HS3ST4: variants seen among roughly 807,000 people sequenced by gnomAD.
HS3ST4 encodes heparan sulfate glucosamine 3-O-sulfotransferase 4.
Under a neutral mutation model 29.2 loss-of-function variants are expected in HS3ST4, and 17 were observed. The ratio of observed to expected loss-of-function variants is 0.58; its 90% CI spans 0.40 to 0.87. The LOEUF is 0.87. Among genes scored for constraint, HS3ST4 ranks in the 40% least tolerant of loss-of-function variants. HS3ST4 has a pLI of 0.00. For missense variants in HS3ST4, 627 were observed against 634.5 expected (o/e 0.99, Z 0.13); for synonymous variants, 314 against 285.7 (o/e 1.10, Z -1.00).
At chr16:26,105,710 C>T (rs575175787) in intron 1 of HS3ST4, among the ~76,000 whole-genome samples, 13 of 152,326 alleles carry the variant, frequency 8.5e-5, no homozygotes, top group South Asian at 4.1e-4. Context: ...AAAAGCCAGA[C>T]GGGCTTTCGC....
At chr16:25,803,941 C>G (rs971223459) in intron 1 of HS3ST4, among the ~76,000 whole-genome samples, 1 of 151,944 alleles carries the variant, frequency 6.6e-6, no homozygotes, top group South Asian at 2.1e-4. Context: ...TTTGGTTCCC[C>G]CTCCCCCTCT....
chr16:26,093,593 A>G (rs1289438329), intron 1 of HS3ST4, among the ~76,000 whole-genome samples: 1 of 152,152 alleles, frequency 6.6e-6, no homozygotes, highest in African/African-American at 2.4e-5. Context: ...ATCAACACCA[A>G]AACCCCATCT....
intron 1 of HS3ST4, among the ~76,000 whole-genome samples, chr16:26,089,093 A>C (rs1217799984): frequency 6.6e-6 from 1 of 152,182 alleles, no homozygotes; most frequent in Non-Finnish European, 1.5e-5. Context: ...GCACACATGC[A>C]AGTGTATGCC....
chr16:26,108,861 A>G (rs1899090216), intron 1 of HS3ST4, among the ~76,000 whole-genome samples: 1 of 152,152 alleles, frequency 6.6e-6, no homozygotes, highest in South Asian at 2.1e-4. Context: ...ATTAATCGGA[A>G]ATTCCTTAGC....
chr16:25,806,504 G>A (rs896938933), intron 1 of HS3ST4, among the ~76,000 whole-genome samples: 2 of 152,154 alleles, frequency 1.3e-5, no homozygotes, highest in Admixed American at 1.3e-4. Flanking sequence ...GTGTGCACTT[G>A]TACTGTGATA....
chr16:26,008,613 G>A (rs1304672379), intron 1 of HS3ST4, among the ~76,000 whole-genome samples: 2 of 152,194 alleles, frequency 1.3e-5, no homozygotes, highest in East Asian at 1.9e-4. Flanking sequence ...GAGGTCAGGA[G>A]TTCAAGACCA....
chr16:25,729,224 T>C (rs914194989), intron 1 of HS3ST4, among the ~76,000 whole-genome samples: 1 of 152,202 alleles, frequency 6.6e-6, no homozygotes, highest in Admixed American at 6.5e-5. Context: ...TGAGAGTTTC[T>C]TTCTGGGTTC....
chr16:25,723,192 G>T (rs191557936), intron 1 of HS3ST4, among the ~76,000 whole-genome samples: 3 of 152,118 alleles, frequency 2.0e-5, no homozygotes, highest in Non-Finnish European at 4.4e-5. Flanking sequence ...GTAGTGACAC[G>T]GCTAAACCAT....
intron 1 of HS3ST4, among the ~76,000 whole-genome samples, chr16:25,996,184 G>A (rs1969157644): frequency 1.3e-5 from 2 of 152,130 alleles, no homozygotes; most frequent in African/African-American, 4.8e-5. Flanking sequence ...TGCAGGCATT[G>A]GTGGTGACAG....
chr16:25,987,837 C>G (rs986152145), intron 1 of HS3ST4, among the ~76,000 whole-genome samples: 1 of 152,108 alleles, frequency 6.6e-6, no homozygotes, highest in Non-Finnish European at 1.5e-5. Context: ...GTGACACAAT[C>G]CCGGCTCACT....
chr16:26,032,703 G>T lies in HS3ST4; in HGVS notation c.735-102909G>T. On this transcript the variant is annotated intron_variant, in intron 1 of 1. Transcript: ENST00000331351. ...GGGGCCTTTTTAGTCTTGGGCTCTG[G>T]CTTTGGAGGAGCAGGTTTAGCAGAC... 3 of 1,238,008 alleles carry T rather than the reference G, an allele frequency of 2.4e-6. No individual in the cohort carries two copies. In the Admixed American group the frequency reaches 5.0e-5, roughly 21 times the overall value. The allele number at this position is 1,238,008 out of a possible 1,614,324, so 76.7% of individuals were successfully genotyped here.
chr16:25,701,344 T>C (rs1253999649), intron 1 of HS3ST4, among the ~76,000 whole-genome samples: 1 of 152,194 alleles, frequency 6.6e-6, no homozygotes, highest in Non-Finnish European at 1.5e-5. Flanking sequence ...GCCTAGGAGA[T>C]GTAGCTAGCC....
chr16:26,045,735 A>ACATTGTCAT (rs1178441202), intron 1 of HS3ST4, among the ~76,000 whole-genome samples: 2 of 152,198 alleles, frequency 1.3e-5, no homozygotes, highest in Non-Finnish European at 2.9e-5. Context: ...ATCTCTCTTG[A>ACATTGTCAT]CATTGTCATC....
Position 26,000,380 on chromosome 16 carries a change from C to T in HS3ST4, c.735-135232C>T, listed in dbSNP as rs1279093481. Among the ~76,000 whole-genome samples the T allele has an allele frequency of 3.3e-5, 5 of 152,088 alleles. No homozygotes were observed. The East Asian group carries it at 9.6e-4, about 29-fold the overall frequency. Reference sequence around the variant, plus strand: ...CTCCACAGATTCAAATATATATGCTCTTCATAATTAACAGAGCTCAAAGAA... The same window carrying T: ...CTCCACAGATTCAAATATATATGCTTTTCATAATTAACAGAGCTCAAAGAA... On this transcript the variant is annotated intron_variant, in intron 1 of 1. Transcript: ENST00000331351.
intron 1 of HS3ST4, among the ~76,000 whole-genome samples, chr16:25,893,105 G>A (rs1968026211): frequency 6.6e-6 from 1 of 152,176 alleles, no homozygotes; most frequent in African/African-American, 2.4e-5. Flanking sequence ...GTGGGGAATG[G>A]TGTGCAAGGC....
At chr16:26,125,744 C>T (rs867690556) in intron 1 of HS3ST4, among the ~76,000 whole-genome samples, 33 of 152,190 alleles carry the variant, frequency 2.2e-4, no homozygotes, top group Non-Finnish European at 2.9e-4. Context: ...TAAAATCCTT[C>T]GCTCATCGCC....
At chr16:25,963,047 G>A (rs1968809972) in intron 1 of HS3ST4, among the ~76,000 whole-genome samples, 1 of 152,122 alleles carries the variant, frequency 6.6e-6, no homozygotes, top group Non-Finnish European at 1.5e-5. Context: ...TTCTGAAGCA[G>A]GGGTAGCAGA....
intron 1 of HS3ST4, among the ~76,000 whole-genome samples, chr16:25,743,358 A>G (rs1223074365): frequency 2.6e-5 from 4 of 152,326 alleles, no homozygotes; most frequent in Middle Eastern, 3.4e-3. Context: ...TTAAACATAT[A>G]AAGCACTCAG....
At chr16:26,093,644 C>A (rs1898885664) in intron 1 of HS3ST4, among the ~76,000 whole-genome samples, 1 of 152,194 alleles carries the variant, frequency 6.6e-6, no homozygotes, top group Non-Finnish European at 1.5e-5. Flanking sequence ...GATAAAACCA[C>A]AAAGATTGGG....
Sources: gnomAD v4.1 joint callset for allele counts (sites outside exome capture counted in the v4.1 genomes callset) on GRCh38, gnomAD v4.1.1 for gene constraint, MANE v1.5 for transcripts, NCBI Gene and HGNC (gene_info 2026-07-23, HGNC 2026-07-21) for gene names.